ATP2A1: variants seen among roughly 807,000 people sequenced by gnomAD.
ATP2A1 encodes the protein sarcoplasmic/endoplasmic reticulum calcium ATPase 1.
Under a neutral mutation model 109.5 loss-of-function variants are expected in ATP2A1, and 83 were observed. That is an observed-to-expected ratio of 0.76 (90% CI 0.63 to 0.91). ATP2A1 has a LOEUF of 0.91. Among genes scored for constraint, ATP2A1 ranks in the 40% least tolerant of loss-of-function variants. The probability of loss-of-function intolerance (pLI) is 0.00; values close to 1 mark genes in which losing one functional copy is unlikely to be tolerated. For missense variants in ATP2A1, 1,101 were observed against 1,341.0 expected (o/e 0.82, Z 2.80); for synonymous variants, 505 against 537.6 (o/e 0.94, Z 0.84).
At chr16:28,895,185 C>A (rs1963883264) in intron 12 of ATP2A1, among the ~76,000 whole-genome samples, 1 of 152,252 alleles carries the variant, frequency 6.6e-6, no homozygotes, top group Non-Finnish European at 1.5e-5. Context: ...CCCGCTGTGT[C>A]CTGATTTGAA....
intron 4 of ATP2A1, chr16:28,881,752 A>C (rs1331880356): frequency 1.3e-5 from 2 of 155,936 alleles, no homozygotes; most frequent in African/African-American, 4.8e-5. Context: ...CAGTGAGCCA[A>C]GATTGCACAA....
At chr16:28,886,165 T>C (rs1443709111) in intron 6 of ATP2A1, among the ~76,000 whole-genome samples, 1 of 151,652 alleles carries the variant, frequency 6.6e-6, no homozygotes, top group Admixed American at 6.6e-5. Flanking sequence ...CAAGACCCCA[T>C]CTCTATAAAA....
At position 28,900,656 on chromosome 16, in the gene ATP2A1, T is replaced by C; in HGVS notation, c.1840T>C (p.Cys614Arg). The C allele has an allele frequency of 1.2e-6, 2 of 1,608,960 alleles. No individual in the cohort carries two copies. The highest frequency in any genetic ancestry group is 1.7e-6 in the Non-Finnish European group (2 of 1,176,156). ...GGAGGTCACGGGCTCCATCCAGCTGTGCCGTGACGCCGGGATCCGGGTGAT... is the reference window on the plus strand; with the variant it reads ...GGAGGTCACGGGCTCCATCCAGCTGCGCCGTGACGCCGGGATCCGGGTGAT... ...RKEVTGSIQLCRDAGIRVIMI... is the reference protein window; with the variant it reads ...RKEVTGSIQLRRDAGIRVIMI... Residue 614 changes from cysteine (C) to arginine (R), a missense_variant, in exon 15 of 23, where the codon TGC becomes CGC. Transcript: ENST00000395503.
chr16:28,880,812 C>A lies in ATP2A1; in HGVS notation c.220-103C>A. ...CGGTGCCCGGCCCTCCTGCTGGCTC[C>A]TGCACTCTCCTGCACAGTTCTCCCC... On this transcript the variant is annotated intron_variant, in intron 3 of 22. Transcript: ENST00000395503. The surrounding 1 kb of genome is among the most constrained non-coding windows in gnomAD (Gnocchi z 4.2). 1 of 1,170,880 alleles carries A rather than the reference C, an allele frequency of 8.5e-7. No individual in the cohort carries two copies. The highest frequency in any genetic ancestry group is 1.3e-6 in the Non-Finnish European group (1 of 782,154). 72.5% of individuals were successfully genotyped at this position (1,170,880 alleles called of 1,614,324 possible). A position where few individuals can be genotyped will look rare whatever the true frequency, so the allele number is the denominator to read the frequency against.
chr16:28,899,942 G>A (rs1269930716), intron 14 of ATP2A1, among the ~76,000 whole-genome samples: 1 of 150,886 alleles, frequency 6.6e-6, no homozygotes, highest in Non-Finnish European at 1.5e-5. Context: ...TCCAGCGTGG[G>A]TGACAGAGCA....
intron 9 of ATP2A1, 84 bp from the exon 10 acceptor site, chr16:28,894,071 G>T: frequency 8.6e-7 from 1 of 1,163,800 alleles, no homozygotes; most frequent in Admixed American, 1.9e-5. Flanking sequence ...GTAGGTGTTG[G>T]CAGTGCAGGC....
chr16:28,903,125 T>C lies in ATP2A1; in HGVS notation c.2840T>C (p.Ile947Thr), dbSNP rs1413587198. 4.3e-6 allele frequency: 7 copies of C among 1,613,528 alleles called. No individual in the cohort carries two copies. The highest frequency in any genetic ancestry group is 5.9e-6 in the Non-Finnish European group (7 of 1,179,964). The change falls in exon 20 of 23, where the codon ATC (isoleucine) becomes ACC (threonine). Residue 947 changes from isoleucine to threonine, a missense_variant. By Grantham distance (89) the Ile-to-Thr change is moderately conservative (BLOSUM62 -1). Coordinates refer to ENST00000395503, the MANE Select transcript of ATP2A1 (RefSeq NM_004320.6). This position sits in a 1 kb window ranked among gnomAD's most constrained non-coding sequence, Gnocchi z 5.6. ...ICLSMSLHFL[I>T]LYVDPLPMIF... ...CTCTCCATGTCCCTGCACTTCCTCA[T>C]CCTCTATGTTGACCCCCTGCCGGTG... is the stretch of plus-strand genomic sequence containing the variant.
Position 28,902,075 on chromosome 16 carries a change from G to C in ATP2A1, c.2313G>C (p.Glu771Asp). The stretch of plus-strand genomic sequence containing the variant: ...ACCTCATTTCCTCCAACGTGGGCGA[G>C]GTGGTCTGGTGAGCAGCTGGGTGGG... ...IRYLISSNVG[E>D]VVCIFLTAAL... The change falls in exon 16 of 23, where the codon GAG (glutamate) becomes GAC (aspartate). Residue 771 changes from glutamate to aspartate, a missense_variant. Transcript: ENST00000395503. This position sits in a 1 kb window ranked among gnomAD's most constrained non-coding sequence, Gnocchi z 4.8. 6.2e-7 allele frequency: 1 copy of C among 1,614,270 alleles called. No homozygotes were observed. Among genetic ancestry groups the C allele is most frequent in the Non-Finnish European group, 8.5e-7 (1 of 1,180,048 alleles).
At position 28,878,721 on chromosome 16, in the gene ATP2A1, G is replaced by A; in HGVS notation, c.50G>A (p.Gly17Glu). The A allele has an allele frequency of 6.2e-7, 1 of 1,612,550 alleles. No individual in the cohort carries two copies. The highest frequency in any genetic ancestry group is 8.5e-7 in the Non-Finnish European group (1 of 1,179,342). The part of the protein sequence containing the change: ...KTTEECLAYF[G>E]VSETTGLTPD... The stretch of plus-strand genomic sequence containing the variant: ...ACGGAGGAATGTTTGGCCTATTTTG[G>A]GGTGAGTGAGACCACGGGCCTCACC... Residue 17 changes from glycine to glutamate, a missense_variant, in exon 1 of 23, where the codon GGG becomes GAG. Transcript: ENST00000395503.
Position 28,883,086 on chromosome 16 carries a change from C to T in ATP2A1, c.463+497C>T, listed in dbSNP as rs1188727377. On this transcript the variant is annotated intron_variant, in intron 5 of 22. Coordinates refer to ENST00000395503, the MANE Select transcript of ATP2A1 (RefSeq NM_004320.6). This position sits in a 1 kb window ranked among gnomAD's most constrained non-coding sequence, Gnocchi z 5.2. Reference sequence around the variant, plus strand: ...CTCAGGCCTGGCACAGAGCACGCGACCGGGGAGGAGGGAGCTCAAGGAGGG... The same window carrying T: ...CTCAGGCCTGGCACAGAGCACGCGATCGGGGAGGAGGGAGCTCAAGGAGGG... Among the ~76,000 whole-genome samples, 1 of 152,200 alleles carries T rather than the reference C, an allele frequency of 6.6e-6. No individual in the cohort carries two copies. Among genetic ancestry groups the T allele is most frequent in the African/African-American group, 2.4e-5 (1 of 41,460 alleles).
intron 12 of ATP2A1, among the ~76,000 whole-genome samples, chr16:28,897,177 G>A (rs1391934408): frequency 2.6e-5 from 4 of 152,090 alleles, no homozygotes; most frequent in African/African-American, 9.7e-5. Context: ...GTACAGTGCA[G>A]ATCACATAAC....
At chr16:28,899,784 A>T (rs1964019166) in intron 14 of ATP2A1, among the ~76,000 whole-genome samples, 2 of 133,140 alleles carry the variant, frequency 1.5e-5, no homozygotes, top group South Asian at 5.4e-4. Flanking sequence ...AACATGGTAA[A>T]ACCAAGTCTC....
chr16:28,902,797 C>T lies in ATP2A1; in HGVS notation c.2630C>T (p.Thr877Ile), dbSNP rs779823220. The change falls in exon 19 of 23, where the codon ACC becomes ATC. Residue 877 changes from threonine to isoleucine, a missense_variant. Physicochemically the swap from Thr to Ile is moderately conservative, Grantham distance 89. Coordinates refer to ENST00000395503, the MANE Select transcript of ATP2A1 (RefSeq NM_004320.6). The surrounding 1 kb of genome is among the most constrained non-coding windows in gnomAD (Gnocchi z 4.8). Reference sequence around the variant, plus strand: ...CTGCAGACTCACTTCATGCAGTGCACCGAGGACAACACCCACTTTGAGGGC... The same window carrying T: ...CTGCAGACTCACTTCATGCAGTGCATCGAGGACAACACCCACTTTGAGGGC... ...YSQLTHFMQC[T>I]EDNTHFEGID... The T allele has an allele frequency of 3.7e-6, 6 of 1,613,782 alleles. No individual in the cohort carries two copies. Among genetic ancestry groups the T allele is most frequent in the East Asian group, 4.5e-5 (2 of 44,850 alleles).
chr16:28,887,870 G>T (rs763555986), intron 8 of ATP2A1, 148 bp downstream of exon 8: 4 of 1,067,880 alleles, frequency 3.7e-6, no homozygotes, highest in Non-Finnish European at 1.4e-6. Context: ...GCGTGATCTC[G>T]GCTCACTGCA....
chr16:28,889,621 C>G (rs1963713966), intron 9 of ATP2A1, among the ~76,000 whole-genome samples: 1 of 152,144 alleles, frequency 6.6e-6, no homozygotes, highest in Admixed American at 6.6e-5. Context: ...CCAAGATGCA[C>G]AGTTAATAAA....
chr16:28,900,260 C>T (rs775747478), intron 14 of ATP2A1, among the ~76,000 whole-genome samples: 4 of 150,596 alleles, frequency 2.7e-5, no homozygotes, highest in East Asian at 2.0e-4. Context: ...ATGATCGCAC[C>T]GTTGTACCAC....
Position 28,880,173 on chromosome 16 carries a change from C to T in ATP2A1, c.219+590C>T. On this transcript the variant is annotated intron_variant, in intron 3 of 22. Coordinates refer to ENST00000395503, the MANE Select transcript of ATP2A1 (RefSeq NM_004320.6). The surrounding 1 kb of genome is among the most constrained non-coding windows in gnomAD (Gnocchi z 4.2). ...TCCCCGCGCTCCCTAGGCACCCCCA[C>T]CCCCGCAGGGCATCTCCAGGGCTCT... 3 of 979,596 alleles carry T rather than the reference C, an allele frequency of 3.1e-6. No homozygotes were observed. Among genetic ancestry groups the T allele is most frequent in the Non-Finnish European group, 3.6e-6 (3 of 823,036 alleles). The allele number at this position is 979,596 out of a possible 1,614,324, so 60.7% of individuals were successfully genotyped here.
chr16:28,894,607 G>A lies in ATP2A1; in HGVS notation c.1287G>A (p.Glu429=), dbSNP rs200596448. ...LCNDSSLDFN[E]AKGVYEKVGE... ...ATGACTCCTCCTTGGACTTCAACGA[G>A]GTAACCTCTCCTTCCCCTTCCAGTT... The change falls in exon 11 of 23, where the codon GAG becomes GAA. Residue 429 remains glutamate (E), a splice_region_variant and synonymous_variant. Coordinates refer to ENST00000395503, the MANE Select transcript of ATP2A1 (RefSeq NM_004320.6). 3.1e-6 allele frequency: 5 copies of A among 1,614,030 alleles called. No individual in the cohort carries two copies. In the Admixed American group the frequency reaches 8.3e-5, roughly 27 times the overall value.
chr16:28,889,388 C>G, intron 9 of ATP2A1, among the ~76,000 whole-genome samples: 1 of 152,110 alleles, frequency 6.6e-6, no homozygotes, highest in East Asian at 1.9e-4. Context: ...TCCCTAGTAG[C>G]TGGGACTACA....
Sources: gnomAD v4.1 joint callset for allele counts (sites outside exome capture counted in the v4.1 genomes callset) on GRCh38, gnomAD v4.1.1 for gene constraint, Gnocchi (gnomAD v3.1) non-coding constraint, MANE v1.5 for transcripts, NCBI Gene and HGNC (gene_info 2026-07-23, HGNC 2026-07-21) for gene names.